The following SDC1 variants were observed in gnomAD, a reference collection of about 807,000 sequenced individuals.
SDC1 encodes the protein syndecan 1.
Under a neutral mutation model 29.7 loss-of-function variants are expected in SDC1, and 14 were observed. That is an observed-to-expected ratio of 0.47 (90% confidence interval 0.31 to 0.74). The LOEUF is 0.74. Ranked by LOEUF, SDC1 falls within the 30% of genes least tolerant of loss-of-function variation. The pLI is 0.05. For missense variants in SDC1, 406 were observed against 400.3 expected, an observed-to-expected ratio of 1.01 and a Z score of -0.12; for synonymous variants, 204 against 175.5, an observed-to-expected ratio of 1.16 and a Z score of -1.29.
chr2:20,213,389 A>G (rs1352950376), intron 1 of SDC1, among the ~76,000 whole-genome samples: 3 of 152,188 alleles, frequency 2.0e-5, no homozygotes, highest in Admixed American at 2.0e-4. Flanking sequence ...CTGCTCCGAG[A>G]GCCAAACAAG....
chr2:20,221,571 G>A (rs1215998973), intron 1 of SDC1, among the ~76,000 whole-genome samples: 1 of 152,156 alleles, frequency 6.6e-6, no homozygotes, highest in Non-Finnish European at 1.5e-5. Flanking sequence ...AGAGAGTCAT[G>A]CCCAGAGTAA....
chr2:20,204,029 G>C lies in SDC1; in HGVS notation c.411C>G (p.Ala137=). Residue 137 remains alanine (A), a synonymous_variant, in exon 3 of 5, where the codon GCC becomes GCG. Coordinates refer to ENST00000254351, the MANE Select transcript of SDC1 (RefSeq NM_002997.5). ...ETTQLPTTHL[A]STTTATTAQE... ...GGGCCGTGGTGGCTGTGGTCGTTGA[G>C]GCCAGATGAGTGGTCGGGAGCTGTG... is the stretch of plus-strand genomic sequence containing the variant. 1 of 1,613,126 alleles carries C rather than the reference G, an allele frequency of 6.2e-7. No individual in the cohort carries two copies. The highest frequency in any genetic ancestry group is 8.5e-7 in the Non-Finnish European group (1 of 1,179,464).
At chr2:20,211,433 T>C (rs1677461186) in intron 1 of SDC1, among the ~76,000 whole-genome samples, 1 of 152,124 alleles carries the variant, frequency 6.6e-6, no homozygotes, top group South Asian at 2.1e-4. Context: ...CTCAGCAATG[T>C]CCTCTACATT....
Position 20,204,304 on chromosome 2 carries a change from A to C in SDC1, c.149-13T>G. ...TCTTGCAAAGCACCTGCAGGACCAG[A>C]AGCAGAGTGTGTTGGGGAGGTGGGG... On this transcript the variant is annotated splice_polypyrimidine_tract_variant and intron_variant, in intron 2 of 4. Coordinates refer to ENST00000254351, the MANE Select transcript of SDC1 (RefSeq NM_002997.5). 6.8e-7 allele frequency: 1 copy of C among 1,480,774 alleles called. No homozygotes were observed. Among genetic ancestry groups the C allele is most frequent in the South Asian group, 1.1e-5 (1 of 88,390 alleles). 91.7% of individuals were successfully genotyped at this position (1,480,774 alleles called of 1,614,324 possible). A position where few individuals can be genotyped will look rare whatever the true frequency, so the allele number is the denominator to read the frequency against.
At chr2:20,217,740 A>T (rs2148294753) in intron 1 of SDC1, among the ~76,000 whole-genome samples, 1 of 152,164 alleles carries the variant, frequency 6.6e-6, no homozygotes, top group East Asian at 1.9e-4. Context: ...TGGCACCATG[A>T]CTCAGCTGAT....
chr2:20,202,643 G>T lies in SDC1; in HGVS notation c.*123C>A. The T allele has an allele frequency of 1.0e-6, 1 of 954,036 alleles. No individual in the cohort carries two copies. The highest frequency in any genetic ancestry group is 2.3e-5 in the Admixed American group (1 of 43,330). 59.1% of individuals were successfully genotyped at this position (954,036 alleles called of 1,614,324 possible). A position where few individuals can be genotyped will look rare whatever the true frequency, so the allele number is the denominator to read the frequency against. The stretch of plus-strand genomic sequence containing the variant: ...ACGACTCCGTGGGCAGGAGCGACCA[G>T]AGGGGCTGGAATGCTGGGGAGGTGG... On this transcript the variant is annotated 3_prime_UTR_variant, in exon 5 of 5. Transcript: ENST00000254351.
At position 20,225,028 on chromosome 2, in the gene SDC1, T is replaced by C; in HGVS notation, c.-161A>G. ...CCGCCGGCTGGAGTCCGCTCTCTAC[T>C]GCCGGATTCCTCTCCGCTCGGCTCG... On this transcript the variant is annotated 5_prime_UTR_variant, in exon 1 of 5. Coordinates refer to ENST00000254351, the MANE Select transcript of SDC1 (RefSeq NM_002997.5). 1 of 875,654 alleles carries C rather than the reference T, an allele frequency of 1.1e-6. No homozygotes were observed. The allele number at this position is 875,654 out of a possible 1,614,324, so 54.2% of individuals were successfully genotyped here. A position where few individuals can be genotyped will look rare whatever the true frequency, so the allele number is the denominator to read the frequency against.
chr2:20,211,696 G>A (rs1297071282), intron 1 of SDC1, among the ~76,000 whole-genome samples: 1 of 152,276 alleles, frequency 6.6e-6, no homozygotes, highest in Non-Finnish European at 1.5e-5. Context: ...GGGGACGAAG[G>A]CTGGGCCTGG....
Position 20,202,853 on chromosome 2 carries a change from G to T in SDC1, c.846C>A (p.Asp282Glu), listed in dbSNP as rs756537340. Reference protein sequence around the residue: ...GFMLYRMKKKDEGSYSLEEPK... With the variant: ...GFMLYRMKKKEEGSYSLEEPK... ...GCTCCTCCAAGGAGTAGCTGCCTTCGTCCTTCTTCTTCATGCGGTACAGCA... is the reference window on the plus strand; with the variant it reads ...GCTCCTCCAAGGAGTAGCTGCCTTCTTCCTTCTTCTTCATGCGGTACAGCA... Residue 282 changes from aspartate (D) to glutamate (E), a missense_variant, in exon 5 of 5, where the codon GAC becomes GAA. By Grantham distance (45) the Asp-to-Glu change is conservative. Transcript: ENST00000254351. The T allele has an allele frequency of 1.2e-6, 2 of 1,613,836 alleles. No individual in the cohort carries two copies. The highest frequency in any genetic ancestry group is 1.7e-6 in the Non-Finnish European group (2 of 1,179,920).
In SDC1 at chr2:20,205,324, G is replaced by C. The variant is rs749303731; in HGVS notation, c.148+19C>G. The C allele has an allele frequency of 2.5e-6, 4 of 1,602,792 alleles. No individual in the cohort carries two copies. Among genetic ancestry groups the C allele is most frequent in the Admixed American group, 3.3e-5 (2 of 59,970 alleles). ...CCTGTTGCCGTCTTGGGTGGGGGGGGCCCCCATGACAACCTCACCTGCACC... is the reference window on the plus strand; with the variant it reads ...CCTGTTGCCGTCTTGGGTGGGGGGGCCCCCCATGACAACCTCACCTGCACC... On this transcript the variant is annotated intron_variant, in intron 2 of 4. Coordinates refer to ENST00000254351, the MANE Select transcript of SDC1 (RefSeq NM_002997.5).
chr2:20,211,891 G>A (rs1677477645), intron 1 of SDC1, among the ~76,000 whole-genome samples: 1 of 152,202 alleles, frequency 6.6e-6, no homozygotes, highest in Admixed American at 6.5e-5. Context: ...CTTCAGCCTG[G>A]ACTGAAAACG....
chr2:20,217,111 C>T (rs558687801), intron 1 of SDC1, among the ~76,000 whole-genome samples: 1 of 152,306 alleles, frequency 6.6e-6, no homozygotes, highest in African/African-American at 2.4e-5. Flanking sequence ...GTTTGGAGCT[C>T]CATAAAATGT....
At position 20,224,774 on chromosome 2, in the gene SDC1, TC is replaced by T. The variant is rs1341379679; in HGVS notation, c.66+27del. On this transcript the variant is annotated intron_variant, in intron 1 of 4. Coordinates refer to ENST00000254351, the MANE Select transcript of SDC1 (RefSeq NM_002997.5). The surrounding 1 kb of genome is among the most constrained non-coding windows in gnomAD (Gnocchi z 4.9). ...TGACCAGTCCCGGCTTCCCGCCGCC[TC>T]CCCGCCTGGCCGCCGGCCGCACTCA... The T allele has an allele frequency of 1.5e-6, 2 of 1,302,832 alleles. No homozygotes were observed. Among genetic ancestry groups the T allele is most frequent in the Non-Finnish European group, 2.0e-6 (2 of 1,025,012 alleles). 80.7% of individuals were successfully genotyped at this position (1,302,832 alleles called of 1,614,324 possible).
rs780263211 is a variant in SDC1 at position 20,202,330 on chromosome 2, C to A, written c.*436G>T. On this transcript the variant is annotated 3_prime_UTR_variant, in exon 5 of 5. Transcript: ENST00000254351. ...CTGTCCCCTGCCACTCAGCGGCCAC[C>A]CCCCCAAGATGCTTGGTCCTACCAG... The A allele has an allele frequency of 3.9e-6, 3 of 773,512 alleles. No homozygotes were observed. In the African/African-American group the frequency reaches 5.1e-5, roughly 13 times the overall value. The allele number at this position is 773,512 out of a possible 1,614,324, so 47.9% of individuals were successfully genotyped here. A position where few individuals can be genotyped will look rare whatever the true frequency, so the allele number is the denominator to read the frequency against.
intron 1 of SDC1, among the ~76,000 whole-genome samples, chr2:20,222,259 C>T (rs1263528652): frequency 3.3e-5 from 5 of 152,178 alleles, no homozygotes; most frequent in Non-Finnish European, 7.4e-5. Flanking sequence ...TGACCTGCTT[C>T]CCACTGGGGC....
chr2:20,223,937 C>T (rs953409427), intron 1 of SDC1, among the ~76,000 whole-genome samples: 1 of 152,106 alleles, frequency 6.6e-6, no homozygotes, highest in Non-Finnish European at 1.5e-5. Flanking sequence ...CTCTTTTCTC[C>T]CAGCTGCACT....
intron 1 of SDC1, among the ~76,000 whole-genome samples, chr2:20,209,886 G>A (rs1677405652): frequency 6.6e-6 from 1 of 152,224 alleles, no homozygotes; most frequent in African/African-American, 2.4e-5. Context: ...TCGACGGGGG[G>A]CAGCGGGCCC....
At chr2:20,210,041 A>C (rs1572465955) in intron 1 of SDC1, among the ~76,000 whole-genome samples, 1 of 152,032 alleles carries the variant, frequency 6.6e-6, no homozygotes, top group Admixed American at 6.5e-5. Flanking sequence ...TAAAACACAA[A>C]CCCCTTAAAA....
rs140041288 is a variant in SDC1, at chr2:20,213,003, C to T, written c.67-7579G>A. Among the ~76,000 whole-genome samples the T allele has an allele frequency of 1.1e-4, 16 of 152,334 alleles. No homozygotes were observed. The East Asian group carries it at 2.5e-3, about 24-fold the overall frequency. ...AAGCCTGAGGTCAAGGTCGCAGAGC[C>T]GAGCCTCCCAGCCCTGGGCTTTTTG... On this transcript the variant is annotated intron_variant, in intron 1 of 4. Coordinates refer to ENST00000254351, the MANE Select transcript of SDC1 (RefSeq NM_002997.5).
Sources: allele counts gnomAD v4.1 joint callset (sites outside exome capture counted in the v4.1 genomes callset), GRCh38; gene constraint gnomAD v4.1.1; non-coding constraint Gnocchi (gnomAD v3.1); transcripts MANE v1.5; gene names NCBI Gene and HGNC (gene_info 2026-07-23, HGNC 2026-07-21).